TPST1: variants seen among roughly 807,000 people sequenced by gnomAD.
The protein encoded by TPST1 is protein-tyrosine sulfotransferase 1.
In TPST1, 20 loss-of-function variants were observed where a neutral mutation model predicts 34.8. That is an observed-to-expected ratio of 0.57 (90% CI 0.40 to 0.84). The LOEUF (loss-of-function observed/expected upper bound fraction) is 0.84, where lower values mean the gene tolerates loss of function less well. Ranked by LOEUF, TPST1 falls within the 40% of genes least tolerant of loss-of-function variation. TPST1 has a pLI of 0.00. For missense variants in TPST1, 353 were observed against 455.5 expected (o/e 0.78, Z 2.05); for synonymous variants, 152 against 159.4 (o/e 0.95, Z 0.35).
Position 66,239,200 on chromosome 7 carries a change from C to T in TPST1, c.-101-1125C>T, listed in dbSNP as rs553360287. On this transcript the variant is annotated intron_variant, in intron 1 of 5. Coordinates refer to ENST00000304842, the MANE Select transcript of TPST1 (RefSeq NM_003596.4). Reference sequence around the variant, plus strand: ...ACAGGGTCTCAGTGTGGGCTGGTCTCGAACTCCTGAGCTCAAATGATCCTC... The same window carrying T: ...ACAGGGTCTCAGTGTGGGCTGGTCTTGAACTCCTGAGCTCAAATGATCCTC... 1.3e-3 allele frequency among the ~76,000 whole-genome samples: 197 copies of T among 152,254 alleles called. 1 individual carries two copies. Among genetic ancestry groups the T allele is most frequent in the African/African-American group, 4.5e-3 (185 of 41,558 alleles).
intron 2 of TPST1, among the ~76,000 whole-genome samples, chr7:66,258,730 G>T (rs1790428404): frequency 6.6e-6 from 1 of 152,192 alleles, no homozygotes; most frequent in Non-Finnish European, 1.5e-5. Context: ...CTCAGAAAAA[G>T]TGTTAAAAAT....
intron 3 of TPST1, among the ~76,000 whole-genome samples, chr7:66,300,284 C>T (rs1284423822): frequency 6.6e-6 from 1 of 152,184 alleles, no homozygotes; most frequent in African/African-American, 2.4e-5. Flanking sequence ...GAGTAGATTC[C>T]ATCTCAAGAA....
chr7:66,204,173 C>CA (rs796992972), upstream of TPST1, among the ~76,000 whole-genome samples: 1,127 of 127,042 alleles, frequency 8.9e-3, 12 homozygotes, highest in East Asian at 0.041. Context: ...TGAGACTCTT[C>CA]AAAAAAAAAA....
intron 4 of TPST1, among the ~76,000 whole-genome samples, chr7:66,353,928 C>A (rs1250118967): frequency 6.6e-6 from 1 of 152,222 alleles, no homozygotes; most frequent in East Asian, 1.9e-4. Flanking sequence ...CCTCTTCCTT[C>A]CTGACCCTTT....
chr7:66,319,966 A>G (rs537805644), intron 3 of TPST1, among the ~76,000 whole-genome samples: 45 of 152,284 alleles, frequency 3.0e-4, no homozygotes, highest in African/African-American at 1.0e-3. Flanking sequence ...TTCTCCAAAG[A>G]TAATCTCTGT....
intron 3 of TPST1, among the ~76,000 whole-genome samples, chr7:66,329,438 T>A (rs923164815): frequency 1.3e-5 from 2 of 152,126 alleles, no homozygotes; most frequent in Admixed American, 6.5e-5. Flanking sequence ...GCTTTTTTTT[T>A]ATTGGTATTA....
intron 2 of TPST1, among the ~76,000 whole-genome samples, chr7:66,275,492 T>C (rs1790789532): frequency 6.6e-6 from 1 of 152,150 alleles, no homozygotes; most frequent in East Asian, 1.9e-4. Context: ...CACAGATGAA[T>C]GGATAAAAAG....
intron 2 of TPST1, among the ~76,000 whole-genome samples, chr7:66,257,642 T>G (rs2115682677): frequency 6.6e-6 from 1 of 152,314 alleles, no homozygotes; most frequent in Admixed American, 6.5e-5. Context: ...CTCAAAAACT[T>G]TGTCAGTCCT....
At chr7:66,253,429 G>A (rs138500897) in intron 2 of TPST1, among the ~76,000 whole-genome samples, 2,124 of 148,446 alleles carry the variant, frequency 0.014, 59 homozygotes, top group East Asian at 0.095. Context: ...GGAGTGCAGT[G>A]GCACGATCTC....
chr7:66,319,133 A>G (rs1791697467), intron 3 of TPST1, among the ~76,000 whole-genome samples: 1 of 152,072 alleles, frequency 6.6e-6, no homozygotes, highest in African/African-American at 2.4e-5. Flanking sequence ...AAAATTCTCG[A>G]CCATTTTTCT....
At chr7:66,351,093 T>C (rs552315068) in intron 3 of TPST1, among the ~76,000 whole-genome samples, 1 of 152,306 alleles carries the variant, frequency 6.6e-6, no homozygotes, top group Non-Finnish European at 1.5e-5. Flanking sequence ...TCTCAATCAC[T>C]ACCACCTCCT....
rs767503723 is a variant in TPST1, at chr7:66,286,719, A to AT, written c.1044+16dup. Reference sequence around the variant, plus strand: ...TGAAAACACTCGAAGGGTAAGTGAGATTTTTTAAAGCAACTGAGAAAACTA... The same window carrying AT: ...TGAAAACACTCGAAGGGTAAGTGAGATTTTTTTAAAGCAACTGAGAAAACTA... On this transcript the variant is annotated intron_variant, in intron 3 of 5. Transcript: ENST00000304842. The AT allele has an allele frequency of 1.2e-5, 18 of 1,482,062 alleles. No individual in the cohort carries two copies. In the East Asian group the frequency reaches 1.8e-4, roughly 15 times the overall value. The allele number at this position is 1,482,062 out of a possible 1,614,324, so 91.8% of individuals were successfully genotyped here.
intron 1 of TPST1, among the ~76,000 whole-genome samples, chr7:66,236,974 C>T (rs1789924317): frequency 6.6e-6 from 1 of 152,130 alleles, no homozygotes; most frequent in Non-Finnish European, 1.5e-5. Context: ...GGGTAGGGAG[C>T]ACATACAAAG....
At chr7:66,356,562 A>G (rs1225816740) in intron 4 of TPST1, among the ~76,000 whole-genome samples, 1 of 152,194 alleles carries the variant, frequency 6.6e-6, no homozygotes, top group Non-Finnish European at 1.5e-5. Flanking sequence ...ATCATCTCAT[A>G]ACATAAATCC....
At chr7:66,198,994 C>G in the TPST1 span, among the ~76,000 whole-genome samples, 1 of 152,276 alleles carries the variant, frequency 6.6e-6, no homozygotes, top group Admixed American at 6.5e-5. Context: ...TTAGCCAGGG[C>G]TTTTAGGTCA....
chr7:66,230,644 C>T (rs1352915422), intron 1 of TPST1, among the ~76,000 whole-genome samples: 1 of 152,134 alleles, frequency 6.6e-6, no homozygotes. Flanking sequence ...AGTGTTACAG[C>T]TCATAAAAGC....
In TPST1 at chr7:66,240,772, G is replaced by A. The variant is rs375955079; in HGVS notation, c.347G>A (p.Arg116Gln). ...RILALKQMWS[R>Q]SSKEKIRLDE... ...CTGGCCCTGAAGCAGATGTGGTCACGGTCAAGTAAAGAGAAGATCCGCCTG... is the reference window on the plus strand; with the variant it reads ...CTGGCCCTGAAGCAGATGTGGTCACAGTCAAGTAAAGAGAAGATCCGCCTG... The change falls in exon 2 of 6, where the codon CGG (arginine) becomes CAG (glutamine). Residue 116 changes from arginine to glutamine, a missense_variant. Arg to Gln is a conservative substitution (Grantham distance 43, BLOSUM62 1). Coordinates refer to ENST00000304842, the MANE Select transcript of TPST1 (RefSeq NM_003596.4). 1.1e-5 allele frequency: 17 copies of A among 1,614,038 alleles called. No individual in the cohort carries two copies. Among genetic ancestry groups the A allele is most frequent in the East Asian group, 2.2e-5 (1 of 44,898 alleles).
intron 2 of TPST1, among the ~76,000 whole-genome samples, chr7:66,280,089 T>G (rs1037120849): frequency 6.6e-6 from 1 of 152,206 alleles, no homozygotes; most frequent in African/African-American, 2.4e-5. Flanking sequence ...CTGGCATTTC[T>G]CGGCCCTTGT....
Position 66,241,031 on chromosome 7 carries a change from A to G in TPST1, c.606A>G (p.Gly202=). Residue 202 remains glycine, a synonymous_variant, in exon 2 of 6, where the codon GGA becomes GGG. Transcript: ENST00000304842. ...TTTCTCGAAAAGTTACTATAGCTGG[A>G]TTTGATCTGAACAGCTATAGGGACT... ...SMISRKVTIA[G]FDLNSYRDCL... The G allele has an allele frequency of 6.2e-7, 1 of 1,614,200 alleles. No homozygotes were observed. Among genetic ancestry groups the G allele is most frequent in the Non-Finnish European group, 8.5e-7 (1 of 1,180,030 alleles).
Sources: gnomAD v4.1 joint callset for allele counts (sites outside exome capture counted in the v4.1 genomes callset) on GRCh38, gnomAD v4.1.1 for gene constraint, MANE v1.5 for transcripts, NCBI Gene and HGNC (gene_info 2026-07-23, HGNC 2026-07-21) for gene names.